Variants in HTR2C observed in about 807,000 individuals in gnomAD.
HTR2C encodes the protein 5-hydroxytryptamine (serotonin) receptor 2C, G protein-coupled.
In HTR2C, 5 loss-of-function variants were observed where a neutral mutation model predicts 21.0. The ratio of observed to expected loss-of-function variants is 0.24; its 90% CI spans 0.12 to 0.50. The LOEUF (loss-of-function observed/expected upper bound fraction) is 0.50, where lower values mean the gene tolerates loss of function less well. HTR2C is among the 20% of genes least tolerant of loss of function. The pLI is 0.98. For synonymous variants in HTR2C, 150 were observed against 145.3 expected, an observed-to-expected ratio of 1.03 and a Z score of -0.23; for missense variants, 271 against 371.2, an observed-to-expected ratio of 0.73 and a Z score of 2.22.
chrX:114,761,214 A>G (rs1556432212), intron 4 of HTR2C, among the ~76,000 whole-genome samples: 1 of 111,597 alleles, frequency 9.0e-6, no homozygotes, highest in African/African-American at 3.3e-5. Context: ...TACCTAAATA[A>G]TTTGAATCCC....
chrX:114,668,268 T>G (rs1188866606), intron 2 of HTR2C, among the ~76,000 whole-genome samples: 1 of 111,841 alleles, frequency 8.9e-6, no homozygotes, highest in Non-Finnish European at 1.9e-5. Flanking sequence ...ATGCCTGATC[T>G]GTTCTCCTTT....
At chrX:114,892,589 A>G (rs2071266298) in intron 5 of HTR2C, among the ~76,000 whole-genome samples, 1 of 111,480 alleles carries the variant, frequency 9.0e-6, no homozygotes, top group African/African-American at 3.2e-5. Flanking sequence ...CAGATCGTAT[A>G]ACACACAAAC....
At chrX:114,587,728 T>C (rs1442330609) in intron 1 of HTR2C, among the ~76,000 whole-genome samples, 1 of 112,023 alleles carries the variant, frequency 8.9e-6, no homozygotes, top group East Asian at 2.8e-4. Context: ...GTGCTCAAGT[T>C]ATGGATCTCT....
chrX:114,836,811 A>G (rs369263494), intron 4 of HTR2C, among the ~76,000 whole-genome samples: 1 of 112,104 alleles, frequency 8.9e-6, no homozygotes, highest in Non-Finnish European at 1.9e-5. Context: ...TTTTTCAGAT[A>G]TTGACTTTAT....
At chrX:114,817,813 A>G (rs1372982296) in intron 4 of HTR2C, among the ~76,000 whole-genome samples, 1 of 111,475 alleles carries the variant, frequency 9.0e-6, no homozygotes, top group Non-Finnish European at 1.9e-5. Context: ...CTACCAAAAA[A>G]CAAAAATGGG....
At chrX:114,612,712 A>T (rs782067726) in intron 1 of HTR2C, among the ~76,000 whole-genome samples, 24 of 111,412 alleles carry the variant, frequency 2.2e-4, no homozygotes, top group African/African-American at 7.8e-4. Flanking sequence ...TTCTTAACTA[A>T]TATTTAATTT....
chrX:114,629,214 A>C (rs1490952353), intron 2 of HTR2C, among the ~76,000 whole-genome samples: 4 of 111,868 alleles, frequency 3.6e-5, no homozygotes, highest in African/African-American at 9.7e-5. Context: ...TTAGGGGAGA[A>C]AATATGCCCA....
rs35930521 is a variant in HTR2C at position 114,623,906 on chromosome X, G to GTTTTTT, written c.-80+10040_-80+10045dup. ...ACAAGTTGTCTCTTTTTTTGTTGTT[G>GTTTTTT]TTTTTTTTTTTTTTTTTTTTGAGAC... On this transcript the variant is annotated intron_variant, in intron 2 of 5. Transcript: ENST00000276198. Among the ~76,000 whole-genome samples, 32 of 69,369 alleles carry GTTTTTT rather than the reference G, an allele frequency of 4.6e-4. 2 individuals are homozygous for GTTTTTT. The highest frequency in any genetic ancestry group is 9.6e-4 in the South Asian group (1 of 1,044). 60.2% of individuals were successfully genotyped at this position (69,369 alleles called of 115,157 possible).
intron 5 of HTR2C, among the ~76,000 whole-genome samples, chrX:114,902,971 T>C (rs2071347505): frequency 8.9e-6 from 1 of 111,983 alleles, no homozygotes; most frequent in Non-Finnish European, 1.9e-5. Flanking sequence ...GATTCTCATA[T>C]ATGTATCCAC....
intron 2 of HTR2C, among the ~76,000 whole-genome samples, chrX:114,625,523 C>T (rs782511358): frequency 1.9e-4 from 21 of 110,994 alleles, no homozygotes; most frequent in African/African-American, 6.9e-4. Flanking sequence ...ATGCCAGCTC[C>T]CCTTCACCTT....
At chrX:114,849,279 A>G (rs2070897315) in intron 5 of HTR2C, among the ~76,000 whole-genome samples, 1 of 112,291 alleles carries the variant, frequency 8.9e-6, no homozygotes, top group Admixed American at 9.5e-5. Context: ...TATGGTGCTT[A>G]CAAAGGAAAT....
intron 5 of HTR2C, among the ~76,000 whole-genome samples, chrX:114,879,080 T>C (rs1414180578): frequency 9.1e-6 from 1 of 109,824 alleles, no homozygotes; most frequent in Non-Finnish European, 1.9e-5. Context: ...GAGTTTAGTA[T>C]TGAAAACTCC....
intron 1 of HTR2C, among the ~76,000 whole-genome samples, chrX:114,586,298 C>G (rs989260822): frequency 1.8e-5 from 2 of 111,872 alleles, no homozygotes; most frequent in South Asian, 3.7e-4. Context: ...AATGCCCCCC[C>G]ATTCCACCCC....
Position 114,805,739 on chromosome X carries a change from C to T in HTR2C, c.350-42264C>T, listed in dbSNP as rs1430980772. ...ATATACCATATATACACCATATATA[C>T]ACCATATATACACCTATATATACAC... On this transcript the variant is annotated intron_variant, in intron 4 of 5. Coordinates refer to ENST00000276198, the MANE Select transcript of HTR2C (RefSeq NM_000868.4). 3.9e-3 allele frequency among the ~76,000 whole-genome samples: 326 copies of T among 84,474 alleles called. 73 individuals carry two copies. The highest frequency in any genetic ancestry group is 0.012 in the African/African-American group (284 of 22,892). The allele number at this position is 84,474 out of a possible 115,157, so 73.4% of individuals were successfully genotyped here. A position where few individuals can be genotyped will look rare whatever the true frequency, so the allele number is the denominator to read the frequency against.
intron 1 of HTR2C, among the ~76,000 whole-genome samples, chrX:114,596,980 G>A (rs1176584198): frequency 1.8e-5 from 2 of 110,487 alleles, no homozygotes; most frequent in Non-Finnish European, 1.9e-5. Context: ...CACTTTGGGA[G>A]GCCAAGGTGG....
rs112460158 is a variant in HTR2C at position 114,618,355 on chromosome X, C to A, written c.-80+4474C>A. On this transcript the variant is annotated intron_variant, in intron 2 of 5. Transcript: ENST00000276198. Reference sequence around the variant, plus strand: ...GGTGGTTTCAAAGTTACATGTTCATCCATATTAGATAATAACAGTAAAATA... The same window carrying A: ...GGTGGTTTCAAAGTTACATGTTCATACATATTAGATAATAACAGTAAAATA... Among the ~76,000 whole-genome samples, 1,115 of 111,938 alleles carry A rather than the reference C, an allele frequency of 1.0e-2. 17 individuals carry two copies. The highest frequency in any genetic ancestry group is 0.034 in the African/African-American group (1,058 of 30,919).
intron 4 of HTR2C, among the ~76,000 whole-genome samples, chrX:114,833,650 A>G (rs1164618493): frequency 1.4e-4 from 15 of 109,747 alleles, no homozygotes; most frequent in South Asian, 7.8e-4. Context: ...TCAAAAAACC[A>G]GCTCCTGGAT....
At position 114,907,345 on chromosome X, in the gene HTR2C, T is replaced by C; in HGVS notation, c.1307T>C (p.Met436Thr). ...KASDNEPGIE[M>T]QVENLELPVN... is the part of the protein sequence containing the mutation. ...AGTGACAATGAGCCCGGTATAGAGA[T>C]GCAAGTTGAGAATTTAGAGTTACCA... Residue 436 changes from methionine to threonine, a missense_variant, in exon 6 of 6, where the codon ATG becomes ACG. Transcript: ENST00000276198. The C allele has an allele frequency of 2.5e-6, 3 of 1,211,352 alleles. No homozygotes were observed. The highest frequency in any genetic ancestry group is 3.4e-6 in the Non-Finnish European group (3 of 895,212).
intron 1 of HTR2C, among the ~76,000 whole-genome samples, chrX:114,597,492 TA>T (rs1256822326): frequency 8.9e-6 from 1 of 111,803 alleles, no homozygotes; most frequent in East Asian, 2.8e-4. Context: ...AAGAAACAAC[TA>T]AAGGAATTTT....
Sources: gnomAD v4.1 joint callset for allele counts (sites outside exome capture counted in the v4.1 genomes callset) on GRCh38, gnomAD v4.1.1 for gene constraint, MANE v1.5 for transcripts, NCBI Gene and HGNC (gene_info 2026-07-23, HGNC 2026-07-21) for gene names.